Variants in DUOX1 observed in about 807,000 individuals in gnomAD.
The protein encoded by DUOX1 is dual oxidase 1, also known as NADPH thyroid oxidase 1.
A neutral mutation model predicts 181.8 loss-of-function variants in DUOX1; 134 were observed. The ratio of observed to expected loss-of-function variants is 0.74; its 90% CI spans 0.64 to 0.85. The LOEUF (loss-of-function observed/expected upper bound fraction) is 0.85, where lower values mean the gene tolerates loss of function less well. Ranked by LOEUF, DUOX1 falls within the 40% of genes least tolerant of loss-of-function variation. The pLI is 0.00. For synonymous variants in DUOX1, 798 were observed against 832.5 expected (o/e 0.96, Z 0.71); for missense variants, 1,814 against 2,064.4 (o/e 0.88, Z 2.35).
chr15:45,134,178 A>G lies in DUOX1; in HGVS notation c.176A>G (p.Tyr59Cys). The stretch of plus-strand genomic sequence containing the variant: ...CTGCAGCGCCTGGTCCCAGCCAGCT[A>G]TGCAGATGGCGTGTACCAGCCCTTG... ...SRLQRLVPAS[Y>C]ADGVYQPLGE... The change falls in exon 4 of 34, where the codon TAT (tyrosine) becomes TGT (cysteine). Residue 59 changes from tyrosine to cysteine, a missense_variant. By Grantham distance (194) the Tyr-to-Cys change is radical (BLOSUM62 -2). Transcript: ENST00000389037. 6.4e-7 allele frequency: 1 copy of G among 1,557,996 alleles called. No individual in the cohort carries two copies. Among genetic ancestry groups the G allele is most frequent in the Non-Finnish European group, 8.6e-7 (1 of 1,156,796 alleles).
chr15:45,131,953 C>G lies in DUOX1; in HGVS notation c.-14C>G, dbSNP rs1896167864. The G allele has an allele frequency of 6.2e-7, 1 of 1,613,952 alleles. No individual in the cohort carries two copies. Among genetic ancestry groups the G allele is most frequent in the Admixed American group, 1.7e-5 (1 of 60,022 alleles). On this transcript the variant is annotated 5_prime_UTR_variant, in exon 2 of 34. Coordinates refer to ENST00000389037, the MANE Select transcript of DUOX1 (RefSeq NM_175940.3). The stretch of plus-strand genomic sequence containing the variant: ...TTGGGACATTCTAATCCCTGAGCCC[C>G]TATTATTTTCATCATGGGCTTCTGC...
At chr15:45,149,130 T>C (rs1406043788) in intron 21 of DUOX1, among the ~76,000 whole-genome samples, 1 of 152,012 alleles carries the variant, frequency 6.6e-6, no homozygotes, top group East Asian at 1.9e-4. Flanking sequence ...TATGGTATCT[T>C]TGCATCTTAG....
intron 33 of DUOX1, 31 bp from the exon 34 acceptor site, chr15:45,164,748 A>G: frequency 6.2e-7 from 1 of 1,613,990 alleles, no homozygotes; most frequent in Non-Finnish European, 8.5e-7. Context: ...CTGAGCAAAG[A>G]GTTAGCCTCC....
Position 45,141,997 on chromosome 15 carries a change from A to T in DUOX1, c.1707A>T (p.Arg569Ser), listed in dbSNP as rs199549867. The change falls in exon 15 of 34, where the codon AGA becomes AGT. Residue 569 changes from arginine (R) to serine (S), a missense_variant. By Grantham distance (110) the Arg-to-Ser change is moderately radical. Coordinates refer to ENST00000389037, the MANE Select transcript of DUOX1 (RefSeq NM_175940.3). ...WHKGDPCPQP[R>S]QLSTEGLPAC... is the part of the protein sequence containing the mutation. ...CAGGAGACCCCTGTCCGCAGCCGAG[A>T]CAGCTCAGCACTGAAGGCCTGCCAG... is the stretch of plus-strand genomic sequence containing the variant. The T allele has an allele frequency of 1.9e-4, 313 of 1,613,088 alleles. 2 individuals are homozygous for T. In the East Asian group the frequency reaches 6.4e-3, roughly 33 times the overall value.
Position 45,161,856 on chromosome 15 carries a change from T to C in DUOX1, c.3975T>C (p.Ser1325=), listed in dbSNP as rs1897110861. 9 of 1,613,596 alleles carry C rather than the reference T, an allele frequency of 5.6e-6. No individual in the cohort carries two copies. The highest frequency in any genetic ancestry group is 6.8e-6 in the Non-Finnish European group (8 of 1,179,926). ...AGTACCACCCCTTCACACTGACCTC[T>C]GCGCCCCATGAGGACACGCTTAGCC... ...TTEYHPFTLT[S]APHEDTLSLH... is the part of the protein sequence containing the mutation. Residue 1325 remains serine, a synonymous_variant, in exon 30 of 34, where the codon TCT becomes TCC. Coordinates refer to ENST00000389037, the MANE Select transcript of DUOX1 (RefSeq NM_175940.3).
intron 23 of DUOX1, 57 bp from the exon 24 acceptor site, chr15:45,151,817 C>A: frequency 6.4e-7 from 1 of 1,553,836 alleles, no homozygotes; most frequent in Non-Finnish European, 8.7e-7. Flanking sequence ...GAAGTGGGGC[C>A]CCACTAGCGT....
At chr15:45,158,845 A>C (rs1897029520) in intron 28 of DUOX1, among the ~76,000 whole-genome samples, 1 of 152,164 alleles carries the variant, frequency 6.6e-6, no homozygotes, top group Admixed American at 6.5e-5. Flanking sequence ...CTGTGACAAA[A>C]AGTGGCACAT....
intron 21 of DUOX1, among the ~76,000 whole-genome samples, chr15:45,149,839 T>C (rs1317722920): frequency 6.6e-6 from 1 of 152,172 alleles, no homozygotes; most frequent in Non-Finnish European, 1.5e-5. Flanking sequence ...CGACAGAGAC[T>C]CTGTCTCAAA....
rs374721890 is a variant in DUOX1 at position 45,147,653 on chromosome 15, T to C, written c.2543T>C (p.Met848Thr). The C allele has an allele frequency of 4.3e-6, 7 of 1,613,946 alleles. No homozygotes were observed. The highest frequency in any genetic ancestry group is 5.1e-6 in the Non-Finnish European group (6 of 1,180,004). ...REFLDILVVFMKGSPEEKSRL... is the reference protein window; with the variant it reads ...REFLDILVVFTKGSPEEKSRL... ...TTCCTGGACATCCTGGTGGTCTTCA[T>C]GAAAGGTGAGGGAGGAGGGAATGAT... Residue 848 changes from methionine (M) to threonine (T), a missense_variant, in exon 19 of 34, where the codon ATG (methionine) becomes ACG (threonine). Met to Thr is a moderately conservative substitution (Grantham distance 81). This residue lies in a region of DUOX1 where 1,064 missense variants were observed against 1,152.9 expected (regional missense o/e 0.92). Transcript: ENST00000389037.
At chr15:45,144,484 C>T (rs1177823806) in intron 17 of DUOX1, among the ~76,000 whole-genome samples, 1 of 152,220 alleles carries the variant, frequency 6.6e-6, no homozygotes, top group Non-Finnish European at 1.5e-5. Flanking sequence ...CTGCCTCCTC[C>T]TTTTCTAAGG....
chr15:45,165,264 G>A lies in DUOX1; in HGVS notation c.*363G>A, dbSNP rs1267823715. ...GTCTGTATGTGTGTTGGGGCGGTGAGTGTAAGGATGCAGTGGGAGCATGGA... is the reference window on the plus strand; with the variant it reads ...GTCTGTATGTGTGTTGGGGCGGTGAATGTAAGGATGCAGTGGGAGCATGGA... On this transcript the variant is annotated 3_prime_UTR_variant, in exon 34 of 34. Transcript: ENST00000389037. 4 of 216,258 alleles carry A rather than the reference G, an allele frequency of 1.8e-5. No homozygotes were observed. Among genetic ancestry groups the A allele is most frequent in the Non-Finnish European group, 3.6e-5 (4 of 109,774 alleles). 13.4% of individuals were successfully genotyped at this position (216,258 alleles called of 1,614,324 possible).
At chr15:45,157,363 G>A (rs1189603133) in intron 28 of DUOX1, among the ~76,000 whole-genome samples, 2 of 152,142 alleles carry the variant, frequency 1.3e-5, no homozygotes, top group Non-Finnish European at 2.9e-5. Context: ...TGGAAATGAC[G>A]TTCTTGTTCC....
Position 45,151,108 on chromosome 15 carries a change from C to G in DUOX1, c.2889-15C>G, listed in dbSNP as rs1463851935. The G allele has an allele frequency of 6.2e-7, 1 of 1,613,716 alleles. No homozygotes were observed. ...GAGATGGCCAGCATCCTATCTCTTA[C>G]CATTCTTGTCTTAGTCCCTCTCCCA... is the stretch of plus-strand genomic sequence containing the variant. On this transcript the variant is annotated splice_polypyrimidine_tract_variant and intron_variant, in intron 22 of 33. Transcript: ENST00000389037.
rs112094879 is a variant in DUOX1, at chr15:45,144,879, C to G, written c.2137-16C>G. On this transcript the variant is annotated splice_polypyrimidine_tract_variant and intron_variant, in intron 17 of 33. Transcript: ENST00000389037. ...GCCTTGGCAAATGGTTGCTTTTGCT[C>G]GGGCTGCCCCCTTAGGTGCTGCTGT... 6.3e-7 allele frequency: 1 copy of G among 1,585,730 alleles called. No homozygotes were observed. The highest frequency in any genetic ancestry group is 2.2e-5 in the East Asian group (1 of 44,642).
chr15:45,150,694 A>G lies in DUOX1; in HGVS notation c.2881A>G (p.Met961Val). 6.2e-7 allele frequency: 1 copy of G among 1,613,944 alleles called. No individual in the cohort carries two copies. ...CRRASYISQD[M>V]ICPSPRVSAR... ...GCGAGCCTCCTACATCAGCCAGGAT[A>G]TGATCTGGTGAGCACCCATCTGGGA... Residue 961 changes from methionine to valine, a missense_variant, in exon 22 of 34, where the codon ATG (methionine) becomes GTG (valine). This residue lies in a region of DUOX1 where 1,064 missense variants were observed against 1,152.9 expected (regional missense o/e 0.92). Transcript: ENST00000389037.
chr15:45,137,821 C>A, intron 9 of DUOX1, 103 bp from the exon 10 acceptor site: 1 of 885,562 alleles, frequency 1.1e-6, no homozygotes, highest in Non-Finnish European at 1.7e-6. Context: ...CTCGGAAAGA[C>A]GATGGCCTGG....
Position 45,153,494 on chromosome 15 carries a change from ATGTGTGTG to A in DUOX1, c.3524+61_3524+68del, listed in dbSNP as rs58154992. On this transcript the variant is annotated intron_variant, in intron 26 of 33. Coordinates refer to ENST00000389037, the MANE Select transcript of DUOX1 (RefSeq NM_175940.3). ...CATGATGATGGGTGAGTAAGTGCGA[ATGTGTGTG>A]TGTGTGTGTGTGTGTGTGTGTGTGT... is the stretch of plus-strand genomic sequence containing the variant. 3.7e-3 allele frequency: 3,319 copies of A among 885,164 alleles called. 42 individuals carry two copies. The African/African-American group carries it at 0.047, about 13-fold the overall frequency. 54.8% of individuals were successfully genotyped at this position (885,164 alleles called of 1,614,324 possible).
At chr15:45,159,117 T>G (rs756124231) in intron 28 of DUOX1, among the ~76,000 whole-genome samples, 29 of 152,120 alleles carry the variant, frequency 1.9e-4, no homozygotes, top group Non-Finnish European at 3.1e-4. Context: ...TGATAGGATA[T>G]TCAGGAGGCA....
At chr15:45,146,927 G>C (rs762695826) in intron 18 of DUOX1, among the ~76,000 whole-genome samples, 1 of 152,222 alleles carries the variant, frequency 6.6e-6, no homozygotes, top group Non-Finnish European at 1.5e-5. Context: ...TCCAGCTGAA[G>C]CCTTGTCTTA....
Sources: gnomAD v4.1 joint callset for allele counts (sites outside exome capture counted in the v4.1 genomes callset) on GRCh38, gnomAD v4.1.1 for gene constraint, gnomAD v4.1.1 regional missense constraint, MANE v1.5 for transcripts, NCBI Gene and HGNC (gene_info 2026-07-23, HGNC 2026-07-21) for gene names.